LGSN: variants seen among roughly 807,000 people sequenced by gnomAD.
The protein encoded by LGSN is lengsin.
A neutral mutation model predicts 19.5 loss-of-function variants in LGSN; 21 were observed. That is an observed-to-expected ratio of 1.07 (90% CI 0.76 to 1.55). LGSN has a LOEUF of 1.55. Among genes scored for constraint, LGSN ranks in the 40% most tolerant of loss-of-function variants. The probability of loss-of-function intolerance (pLI) is 0.00; values close to 1 mark genes in which losing one functional copy is unlikely to be tolerated. For missense variants in LGSN, 673 were observed against 608.5 expected, an observed-to-expected ratio of 1.11 and a Z score of -1.12; for synonymous variants, 257 against 215.6, an observed-to-expected ratio of 1.19 and a Z score of -1.68.
the LGSN span, among the ~76,000 whole-genome samples, chr6:63,505,633 G>GAAAGAAAGAAAGAAAGAA: frequency 1.0e-5 from 1 of 97,220 alleles, no homozygotes; most frequent in East Asian, 3.1e-4. Flanking sequence ...AAGAAAGAAA[G>GAAAGAAAGAAAGAAAGAA]AAATTCTGGC....
chr6:63,462,590 G>T, the LGSN span, among the ~76,000 whole-genome samples: 1 of 152,154 alleles, frequency 6.6e-6, no homozygotes, highest in African/African-American at 2.4e-5. Flanking sequence ...AGCTGAGATC[G>T]CACCACTGCA....
the LGSN span, among the ~76,000 whole-genome samples, chr6:63,468,479 ATGCAGTGGCGAGCTCTCAGTTCAC>A: frequency 1.3e-5 from 2 of 151,928 alleles, no homozygotes; most frequent in Non-Finnish European, 2.9e-5. Context: ...CCAGGCTGGA[ATGCAGTGGCGAGCTCTCAGTTCAC>A]TGCAGCCTCT....
the LGSN span, among the ~76,000 whole-genome samples, chr6:63,382,542 C>A: frequency 6.6e-6 from 1 of 152,166 alleles, no homozygotes; most frequent in Admixed American, 6.5e-5. Flanking sequence ...TGTTTTGCAC[C>A]CATGCATGTG....
At chr6:63,404,503 C>G in the LGSN span, among the ~76,000 whole-genome samples, 1 of 152,038 alleles carries the variant, frequency 6.6e-6, no homozygotes, top group Non-Finnish European at 1.5e-5. Context: ...GTTTATTACT[C>G]ACAGTTCTGG....
the LGSN span, among the ~76,000 whole-genome samples, chr6:63,482,463 T>G: frequency 6.6e-6 from 1 of 152,196 alleles, no homozygotes; most frequent in South Asian, 2.1e-4. Flanking sequence ...GCACAGTAGC[T>G]CACGCCTATA....
chr6:63,360,394 G>A, the LGSN span, among the ~76,000 whole-genome samples: 3,551 of 151,952 alleles, frequency 0.023, 77 homozygotes, highest in Non-Finnish European at 0.034. Context: ...TTCTCTTCTC[G>A]CTTCATTTCA....
At chr6:63,416,203 C>T in the LGSN span, among the ~76,000 whole-genome samples, 1 of 151,040 alleles carries the variant, frequency 6.6e-6, no homozygotes, top group Non-Finnish European at 1.5e-5. Context: ...AGAGGCAGCA[C>T]GATTCATTGC....
At chr6:63,529,816 G>A in the LGSN span, among the ~76,000 whole-genome samples, 52 of 152,222 alleles carry the variant, frequency 3.4e-4, 1 homozygote, top group Middle Eastern at 0.01. Context: ...GGCAAAATAC[G>A]TGCGTAAGAG....
chr6:63,460,976 G>A, the LGSN span, among the ~76,000 whole-genome samples: 1 of 152,150 alleles, frequency 6.6e-6, no homozygotes, highest in Non-Finnish European at 1.5e-5. Flanking sequence ...GCATGAGGGG[G>A]CCAAGCGTCC....
chr6:63,327,469 T>G, the LGSN span, among the ~76,000 whole-genome samples: 2 of 152,184 alleles, frequency 1.3e-5, no homozygotes, highest in African/African-American at 4.8e-5. Flanking sequence ...CTGGTTAGTG[T>G]AGAAACAACA....
intron 1 of LGSN, among the ~76,000 whole-genome samples, chr6:63,304,297 T>G (rs961015844): frequency 2.6e-5 from 4 of 152,218 alleles, no homozygotes; most frequent in Non-Finnish European, 5.9e-5. Context: ...GTTAGTTCCC[T>G]TTTTCTATGG....
the LGSN span, among the ~76,000 whole-genome samples, chr6:63,465,274 G>C: frequency 6.6e-6 from 1 of 151,824 alleles, no homozygotes; most frequent in East Asian, 1.9e-4. Context: ...TCCACCTCCC[G>C]GGTTCAAGTG....
the LGSN span, among the ~76,000 whole-genome samples, chr6:63,338,236 AAAAT>A: frequency 1.5e-4 from 23 of 152,250 alleles, no homozygotes; most frequent in African/African-American, 4.3e-4. Flanking sequence ...AATTATCTCA[AAAAT>A]AAATAAATAA....
the LGSN span, chr6:63,395,066 C>G: frequency 6.4e-6 from 1 of 155,898 alleles, no homozygotes. Context: ...GTGGGGCTGC[C>G]TGCCCATCTA....
chr6:63,435,874 TTATAGTA>T, the LGSN span, among the ~76,000 whole-genome samples: 1 of 150,906 alleles, frequency 6.6e-6, no homozygotes, highest in African/African-American at 2.4e-5. Flanking sequence ...ATGTATGTGA[TTATAGTA>T]TAAAGTATTT....
At chr6:63,443,764 G>A in the LGSN span, among the ~76,000 whole-genome samples, 1 of 152,152 alleles carries the variant, frequency 6.6e-6, no homozygotes, top group South Asian at 2.1e-4. Flanking sequence ...GTTTCCTGGT[G>A]GAATGAGGAG....
Position 63,278,769 on chromosome 6 carries a change from A to G in LGSN, c.*1252T>C, listed in dbSNP as rs1767176886. 1 of 152,188 alleles carries G rather than the reference A, an allele frequency of 6.6e-6. No homozygotes were observed. Among genetic ancestry groups the G allele is most frequent in the Non-Finnish European group, 1.5e-5 (1 of 68,040 alleles). 9.4% of individuals were successfully genotyped at this position (152,188 alleles called of 1,614,324 possible). Reference sequence around the variant, plus strand: ...AACACACTTCTCCTGCTCAAAGGAAAAAAGAAGGGAGTAATTAGTGAAGGA... The same window carrying G: ...AACACACTTCTCCTGCTCAAAGGAAGAAAGAAGGGAGTAATTAGTGAAGGA... On this transcript the variant is annotated 3_prime_UTR_variant, in exon 4 of 4. Transcript: ENST00000370657.
chr6:63,499,707 C>T, the LGSN span, among the ~76,000 whole-genome samples: 1 of 151,984 alleles, frequency 6.6e-6, no homozygotes, highest in African/African-American at 2.4e-5. Context: ...TGTTTTATGT[C>T]GTTAAAAGCC....
chr6:63,300,421 C>T (rs555732417), intron 1 of LGSN, among the ~76,000 whole-genome samples: 3 of 152,296 alleles, frequency 2.0e-5, no homozygotes, highest in African/African-American at 7.2e-5. Flanking sequence ...AATCCAAGCA[C>T]TTTGGGAGAC....
Sources: allele counts gnomAD v4.1 joint callset (sites outside exome capture counted in the v4.1 genomes callset), GRCh38; gene constraint gnomAD v4.1.1; transcripts MANE v1.5; gene names NCBI Gene and HGNC (gene_info 2026-07-23, HGNC 2026-07-21).